TANC2: variants seen among roughly 807,000 people sequenced by gnomAD.
TANC2 encodes the protein tetratricopeptide repeat, ankyrin repeat and coiled-coil containing 2.
TANC2 carries 26 observed loss-of-function variants against 210.5 expected under a neutral mutation model. The observed-to-expected ratio is 0.12, with a 90% CI of 0.09 to 0.17. The LOEUF (loss-of-function observed/expected upper bound fraction) is 0.17, where lower values mean the gene tolerates loss of function less well. TANC2 is among the 10% of genes least tolerant of loss of function. The pLI is 1.00. For synonymous variants in TANC2, 931 were observed against 967.1 expected (o/e 0.96, Z 0.69); for missense variants, 2,129 against 2,608.9 (o/e 0.82, Z 4.01).
intron 8 of TANC2, among the ~76,000 whole-genome samples, chr17:63,263,686 A>G (rs572218632): frequency 1.9e-4 from 29 of 152,224 alleles, no homozygotes; most frequent in Non-Finnish European, 3.2e-4. Flanking sequence ...GCAGTACAAA[A>G]GAAAGTCAGC....
rs192802047 is a variant in TANC2 at position 63,356,006 on chromosome 17, A to G, written c.2582+616A>G. On this transcript the variant is annotated intron_variant, in intron 14 of 27. Transcript: ENST00000689528. ...TTAAGATGCTGGATCAACTTGCACA[A>G]AGTCATAAGGTTAATACATGGGAGA... is the stretch of plus-strand genomic sequence containing the variant. 7.1e-4 allele frequency among the ~76,000 whole-genome samples: 108 copies of G among 152,218 alleles called. 1 individual carries two copies. The highest frequency in any genetic ancestry group is 2.6e-3 in the African/African-American group (106 of 41,532).
At chr17:63,248,826 G>A (rs1196641600) in intron 8 of TANC2, among the ~76,000 whole-genome samples, 1 of 152,030 alleles carries the variant, frequency 6.6e-6, no homozygotes, top group Non-Finnish European at 1.5e-5. Flanking sequence ...CACTTTTGTG[G>A]GGAGAATGGA....
chr17:63,055,985 AAAAAAATATATATATATATATAT>A (rs1411177830), intron 2 of TANC2, among the ~76,000 whole-genome samples: 10 of 16,820 alleles, frequency 5.9e-4, no homozygotes, highest in African/African-American at 1.4e-3. Flanking sequence ...AAAAAAAAAA[AAAAAAATATATATATATATATAT>A]ATATATATAT....
intron 14 of TANC2, among the ~76,000 whole-genome samples, chr17:63,370,279 C>T (rs1200945626): frequency 6.6e-6 from 1 of 151,110 alleles, no homozygotes; most frequent in African/African-American, 2.4e-5. Context: ...CCCGGGGTCA[C>T]GCCATTCTCC....
At chr17:62,981,853 A>G (rs1034283797) in intron 1 of TANC2, among the ~76,000 whole-genome samples, 1 of 152,224 alleles carries the variant, frequency 6.6e-6, no homozygotes, top group South Asian at 2.1e-4. Context: ...GTCATAAAGG[A>G]TACAAATCAG....
At chr17:63,309,024 T>G (rs1190349320) in intron 9 of TANC2, among the ~76,000 whole-genome samples, 1 of 152,232 alleles carries the variant, frequency 6.6e-6, no homozygotes, top group Non-Finnish European at 1.5e-5. Context: ...ACTGTTTTAC[T>G]AAATTTTATT....
intron 9 of TANC2, among the ~76,000 whole-genome samples, chr17:63,271,433 T>TATC (rs1430068442): frequency 9.8e-6 from 1 of 102,028 alleles, no homozygotes; most frequent in African/African-American, 6.0e-5. Flanking sequence ...CTGAGCTCTT[T>TATC]TTCTTTTTTT....
At chr17:63,287,129 T>C (rs1023719760) in intron 9 of TANC2, among the ~76,000 whole-genome samples, 1 of 152,084 alleles carries the variant, frequency 6.6e-6, no homozygotes, top group Non-Finnish European at 1.5e-5. Flanking sequence ...GACAGGGTTT[T>C]GCTATGTTGG....
chr17:63,329,219 A>G (rs1445595588), intron 11 of TANC2, among the ~76,000 whole-genome samples: 1 of 152,154 alleles, frequency 6.6e-6, no homozygotes, highest in African/African-American at 2.4e-5. Context: ...AATTTTAAGA[A>G]AAATTATAGC....
intron 9 of TANC2, among the ~76,000 whole-genome samples, chr17:63,275,315 T>C (rs1188806709): frequency 1.3e-5 from 2 of 152,192 alleles, no homozygotes; most frequent in Non-Finnish European, 2.9e-5. Context: ...ATTAGCTACT[T>C]TAATAGACAC....
At chr17:62,968,244 G>T (rs1470442270) in intron 1 of TANC2, among the ~76,000 whole-genome samples, 2 of 152,158 alleles carry the variant, frequency 1.3e-5, no homozygotes, top group African/African-American at 2.4e-5. Context: ...ATATGGAAAT[G>T]TGTTCGTTAG....
chr17:63,129,002 G>A (rs1338449784), intron 4 of TANC2, among the ~76,000 whole-genome samples: 1 of 151,996 alleles, frequency 6.6e-6, no homozygotes, highest in African/African-American at 2.4e-5. Flanking sequence ...TAGTTAAGTA[G>A]CCAGACTTTG....
intron 2 of TANC2, among the ~76,000 whole-genome samples, chr17:63,045,126 C>CTTG (rs1243474536): frequency 2.0e-5 from 3 of 152,168 alleles, no homozygotes; most frequent in African/African-American, 7.2e-5. Context: ...TCTCAGTGTT[C>CTTG]TTGAATAGTT....
At chr17:63,268,739 C>T (rs2043606296) in intron 9 of TANC2, among the ~76,000 whole-genome samples, 1 of 152,114 alleles carries the variant, frequency 6.6e-6, no homozygotes, top group African/African-American at 2.4e-5. Context: ...GTACCTGTTG[C>T]CTTACCTTCT....
intron 14 of TANC2, among the ~76,000 whole-genome samples, chr17:63,373,618 A>G (rs567993939): frequency 6.6e-6 from 1 of 152,174 alleles, no homozygotes; most frequent in African/African-American, 2.4e-5. Context: ...TCAATCCTCT[A>G]CCATAATATT....
At chr17:63,219,055 A>T (rs556544337) in intron 7 of TANC2, among the ~76,000 whole-genome samples, 1 of 152,328 alleles carries the variant, frequency 6.6e-6, no homozygotes, top group South Asian at 2.1e-4. Context: ...GAGATAAATT[A>T]AAAAATACAT....
intron 19 of TANC2, among the ~76,000 whole-genome samples, chr17:63,403,417 T>C (rs1599045448): frequency 6.6e-6 from 1 of 152,220 alleles, no homozygotes; most frequent in Admixed American, 6.5e-5. Context: ...AGTAAGTGTC[T>C]ATCCAGTCAA....
chr17:62,970,217 T>C (rs1568284254), intron 1 of TANC2, among the ~76,000 whole-genome samples: 1 of 152,230 alleles, frequency 6.6e-6, no homozygotes, highest in Admixed American at 6.5e-5. Context: ...TATACATTTG[T>C]TGATATGGGA....
intron 7 of TANC2, among the ~76,000 whole-genome samples, chr17:63,208,866 A>G (rs1020006163): frequency 6.6e-6 from 1 of 152,170 alleles, no homozygotes. Context: ...ACTGCAGCAA[A>G]GTCTCTTATT....
Sources: allele counts gnomAD v4.1 joint callset (sites outside exome capture counted in the v4.1 genomes callset), GRCh38; gene constraint gnomAD v4.1.1; transcripts MANE v1.5; gene names NCBI Gene and HGNC (gene_info 2026-07-23, HGNC 2026-07-21).